ALG1: variants seen among roughly 807,000 people sequenced by gnomAD.
The protein encoded by ALG1 is chitobiosyldiphosphodolichol beta-mannosyltransferase.
Under a neutral mutation model 55.1 loss-of-function variants are expected in ALG1, and 58 were observed. The observed-to-expected ratio is 1.05, with a 90% confidence interval of 0.85 to 1.31. The LOEUF (loss-of-function observed/expected upper bound fraction) is 1.31. Ranked by LOEUF, ALG1 falls within the 50% of genes most tolerant of loss-of-function variation. ALG1 has a pLI of 0.00. For missense variants in ALG1, 761 were observed against 598.6 expected, an observed-to-expected ratio of 1.27 and a Z score of -2.83; for synonymous variants, 309 against 247.0, an observed-to-expected ratio of 1.25 and a Z score of -2.35.
chr16:5,075,292 A>G, intron 3 of ALG1, 96 bp from the exon 4 acceptor site: 1 of 1,297,934 alleles, frequency 7.7e-7, no homozygotes, highest in Non-Finnish European at 1.1e-6. Context: ...TGTAAAGATA[A>G]CAGACTCATC....
chr16:5,083,109 TAA>T (rs979524856), intron 11 of ALG1, among the ~76,000 whole-genome samples: 2 of 152,146 alleles, frequency 1.3e-5, no homozygotes, highest in African/African-American at 4.8e-5. Flanking sequence ...TTGAATCAGT[TAA>T]ATGAGTGTCA....
intron 3 of ALG1, chr16:5,073,471 C>T: frequency 1.7e-6 from 1 of 602,688 alleles, no homozygotes; most frequent in Non-Finnish European, 3.0e-6. Flanking sequence ...GACTGTGTAT[C>T]AAGTGTTTTC....
At chr16:5,082,986 C>G (rs944378011) in intron 11 of ALG1, among the ~76,000 whole-genome samples, 2 of 152,238 alleles carry the variant, frequency 1.3e-5, no homozygotes, top group African/African-American at 4.8e-5. Context: ...CAGAACTCCA[C>G]TCGGGGCTTT....
chr16:5,081,106 G>GGGGGGGA, intron 10 of ALG1, 50 bp downstream of exon 10: 1 of 1,407,856 alleles, frequency 7.1e-7, no homozygotes, highest in Non-Finnish European at 9.6e-7. Context: ...AACAGGGTGG[G>GGGGGGGA]CGGGATGTAC....
chr16:5,083,854 C>G, intron 12 of ALG1, 97 bp downstream of exon 12: 1 of 1,565,536 alleles, frequency 6.4e-7, no homozygotes, highest in Non-Finnish European at 8.6e-7. Context: ...CAGGGTGGGA[C>G]CATGTGGGGT....
At chr16:5,079,945 T>A in intron 9 of ALG1, 138 bp downstream of exon 9, 1 of 1,160,034 alleles carries the variant, frequency 8.6e-7, no homozygotes, top group Non-Finnish European at 1.3e-6. Context: ...TTATACTGCT[T>A]GACATGGGGG....
Position 5,077,599 on chromosome 16 carries a change from A to G in ALG1, c.629+65A>G. 2.7e-6 allele frequency: 4 copies of G among 1,479,496 alleles called. No individual in the cohort carries two copies. In the Admixed American group the frequency reaches 5.0e-5, roughly 19 times the overall value. 91.6% of individuals were successfully genotyped at this position (1,479,496 alleles called of 1,614,324 possible). A position where few individuals can be genotyped will look rare whatever the true frequency, so the allele number is the denominator to read the frequency against. On this transcript the variant is annotated intron_variant, in intron 5 of 12. Transcript: ENST00000262374. ...GGGGCCCCTGATTGGCTGCAGTGAG[A>G]GCTGCCTTGCCTGCTGCCGTCCTGC...
intron 11 of ALG1, among the ~76,000 whole-genome samples, 164 bp from the exon 12 acceptor site, chr16:5,083,518 C>T (rs1351777153): frequency 2.0e-5 from 3 of 152,152 alleles, no homozygotes; most frequent in African/African-American, 7.2e-5. Flanking sequence ...GGCCTTTATA[C>T]CCTTCAGATG....
At position 5,072,944 on chromosome 16, in the gene ALG1, T is replaced by A; in HGVS notation, c.209-7T>A. 6.2e-7 allele frequency: 1 copy of A among 1,613,886 alleles called. No homozygotes were observed. Among genetic ancestry groups the A allele is most frequent in the Non-Finnish European group, 8.5e-7 (1 of 1,179,750 alleles). On this transcript the variant is annotated splice_region_variant and splice_polypyrimidine_tract_variant and intron_variant, in intron 1 of 12. Coordinates refer to ENST00000262374, the MANE Select transcript of ALG1 (RefSeq NM_019109.5). ...GGTACATTAAAGGGATCATTCTCATTTTTCAGACTCCAAACCCCATGATGA... is the reference window on the plus strand; with the variant it reads ...GGTACATTAAAGGGATCATTCTCATATTTCAGACTCCAAACCCCATGATGA...
chr16:5,080,102 C>T (rs951215349), intron 9 of ALG1, among the ~76,000 whole-genome samples: 1 of 142,412 alleles, frequency 7.0e-6, no homozygotes, highest in Non-Finnish European at 1.5e-5. Context: ...GACAGAGTCT[C>T]TGTCGCCCAG....
intron 1 of ALG1, among the ~76,000 whole-genome samples, chr16:5,072,593 C>T (rs1175124326): frequency 6.6e-6 from 1 of 152,192 alleles, no homozygotes; most frequent in Non-Finnish European, 1.5e-5. Context: ...CCTTTAATCC[C>T]TGTTTAGAAT....
Position 5,085,310 on chromosome 16 carries a change from C to A in ALG1, c.*429C>A. On this transcript the variant is annotated 3_prime_UTR_variant, in exon 13 of 13. Transcript: ENST00000262374. ...GCAGTGGGCTTGGCTTTGTGAGGAA[C>A]TGAGTGTGTCCACGTTGGGGGAACA... 1 of 482,220 alleles carries A rather than the reference C, an allele frequency of 2.1e-6. No homozygotes were observed. The highest frequency in any genetic ancestry group is 3.8e-6 in the Non-Finnish European group (1 of 263,056). The allele number at this position is 482,220 out of a possible 1,614,324, so 29.9% of individuals were successfully genotyped here.
At chr16:5,081,854 G>A (rs1385328960) in intron 10 of ALG1, among the ~76,000 whole-genome samples, 2 of 151,574 alleles carry the variant, frequency 1.3e-5, no homozygotes, top group African/African-American at 4.8e-5. Flanking sequence ...GACCCATCAC[G>A]CCTGGCCCCA....
At chr16:5,072,354 G>T (rs570009925) in intron 1 of ALG1, 1 of 1,051,372 alleles carries the variant, frequency 9.5e-7, no homozygotes, top group Non-Finnish European at 1.3e-6. Context: ...TGGTAGCTAC[G>T]TCCCTGTGCA....
At position 5,077,892 on chromosome 16, in the gene ALG1, A is replaced by G. The variant is rs1389833129; in HGVS notation, c.630-15A>G. The stretch of plus-strand genomic sequence containing the variant: ...CTTCAGCCCTCCCAATAGCCCCGTC[A>G]TGATTTCATTGCAGGGCTGTGACCG... On this transcript the variant is annotated splice_polypyrimidine_tract_variant and intron_variant, in intron 5 of 12. Transcript: ENST00000262374. 3 of 1,607,334 alleles carry G rather than the reference A, an allele frequency of 1.9e-6. No individual in the cohort carries two copies. The highest frequency in any genetic ancestry group is 2.2e-5 in the East Asian group (1 of 44,872).
At chr16:5,075,731 C>T (rs184521549) in intron 4 of ALG1, among the ~76,000 whole-genome samples, 195 bp downstream of exon 4, 23 of 152,224 alleles carry the variant, frequency 1.5e-4, no homozygotes, top group Admixed American at 1.2e-3. Context: ...ATTTTTTGGC[C>T]CATGAAATGG....
At position 5,086,292 on chromosome 16, in the gene ALG1, G is replaced by C. The variant is rs1461891480; in HGVS notation, c.*1411G>C. 6.9e-6 allele frequency among the ~76,000 whole-genome samples: 1 copy of C among 145,670 alleles called. No individual in the cohort carries two copies. The highest frequency in any genetic ancestry group is 2.5e-5 in the African/African-American group (1 of 39,586). ...GGAGGTTGCAGTGAGCTGAGATTGT[G>C]CCACTGCACTCCAGCCTGAGTGACA... is the stretch of plus-strand genomic sequence containing the variant. On this transcript the variant is annotated 3_prime_UTR_variant, in exon 13 of 13. Coordinates refer to ENST00000262374, the MANE Select transcript of ALG1 (RefSeq NM_019109.5).
chr16:5,082,563 G>C lies in ALG1; in HGVS notation c.1077G>C (p.Ser359=), dbSNP rs564052127. 1 of 1,611,976 alleles carries C rather than the reference G, an allele frequency of 6.2e-7. No individual in the cohort carries two copies. The highest frequency in any genetic ancestry group is 1.7e-5 in the Admixed American group (1 of 60,004). The part of the protein sequence containing the change: ...EAEDYPLLLG[S]ADLGVCLHTS... ...CCCACCCCTCTTGCCTAGCAGGGTCGGCGGACCTGGGTGTCTGTCTGCACA... is the reference window on the plus strand; with the variant it reads ...CCCACCCCTCTTGCCTAGCAGGGTCCGCGGACCTGGGTGTCTGTCTGCACA... The change falls in exon 11 of 13, where the codon TCG becomes TCC. Residue 359 remains serine (S), a synonymous_variant. Coordinates refer to ENST00000262374, the MANE Select transcript of ALG1 (RefSeq NM_019109.5).
At chr16:5,072,673 A>G (rs752396180) in intron 1 of ALG1, among the ~76,000 whole-genome samples, 3 of 152,260 alleles carry the variant, frequency 2.0e-5, no homozygotes, top group African/African-American at 7.2e-5. Context: ...AAATTCCACT[A>G]TCCAGACAAT....
Sources: gnomAD v4.1 joint callset for allele counts (sites outside exome capture counted in the v4.1 genomes callset) on GRCh38, gnomAD v4.1.1 for gene constraint, MANE v1.5 for transcripts, NCBI Gene and HGNC (gene_info 2026-07-23, HGNC 2026-07-21) for gene names.